NELFB: variants seen among roughly 807,000 people sequenced by gnomAD.
NELFB encodes negative elongation factor complex member B.
NELFB carries 34 observed loss-of-function variants against 60.2 expected under a neutral mutation model. That is an observed-to-expected ratio of 0.56 (90% CI 0.43 to 0.75). The LOEUF is 0.75. NELFB is among the 30% of genes least tolerant of loss of function. The probability of loss-of-function intolerance (pLI) is 0.00; values close to 1 mark genes in which losing one functional copy is unlikely to be tolerated. For missense variants in NELFB, 770 were observed against 831.6 expected (o/e 0.93, Z 0.91); for synonymous variants, 459 against 382.1 (o/e 1.20, Z -2.35).
At position 137,266,989 on chromosome 9, in the gene NELFB, C is replaced by CTGG; in HGVS notation, c.1289_1291dup (p.Val430dup). The CTGG allele has an allele frequency of 6.2e-7, 1 of 1,614,022 alleles. No homozygotes were observed. Among genetic ancestry groups the CTGG allele is most frequent in the Non-Finnish European group, 8.5e-7 (1 of 1,180,004 alleles). ...GTTCCTCCCGATGCTCATGTCCTTC[C>CTGG]TGGTGGATGACTACACTTTCAATGT... is the stretch of plus-strand genomic sequence containing the variant. On this transcript the variant is annotated inframe_insertion, in exon 9 of 13. Transcript: ENST00000343053.
intron 10 of NELFB, among the ~76,000 whole-genome samples, chr9:137,267,648 C>T (rs908401012): frequency 2.0e-5 from 3 of 152,000 alleles, no homozygotes; most frequent in South Asian, 2.1e-4. Context: ...CGCGTGCCAC[C>T]GTGCCAGGCT....
At chr9:137,270,843 C>T (rs1362866216) in intron 10 of NELFB, among the ~76,000 whole-genome samples, 6 of 152,120 alleles carry the variant, frequency 3.9e-5, no homozygotes, top group South Asian at 2.1e-4. Context: ...CGCTTGAACC[C>T]GGGAGGTGGA....
chr9:137,271,468 G>A (rs1010917461), intron 10 of NELFB, among the ~76,000 whole-genome samples: 2 of 152,402 alleles, frequency 1.3e-5, no homozygotes, highest in East Asian at 1.9e-4. Flanking sequence ...CGTTTGGGGC[G>A]TTGTGCTGGC....
At chr9:137,266,844 C>A in intron 8 of NELFB, 100 bp from the exon 9 acceptor site, 1 of 1,367,926 alleles carries the variant, frequency 7.3e-7, no homozygotes, top group Non-Finnish European at 9.8e-7. Context: ...GGTGAGGTAT[C>A]TGGGGGAGTG....
At chr9:137,256,515 C>T (rs1459327403) in intron 3 of NELFB, 87 bp downstream of exon 3, 4 of 1,198,090 alleles carry the variant, frequency 3.3e-6, no homozygotes, top group Non-Finnish European at 4.9e-6. Context: ...GGCCGCCTAG[C>T]TCCGGGAGCT....
At chr9:137,263,794 C>T (rs1830486145) in intron 5 of NELFB, among the ~76,000 whole-genome samples, 1 of 152,140 alleles carries the variant, frequency 6.6e-6, no homozygotes, top group Admixed American at 6.5e-5. Flanking sequence ...ATTGCCCCAG[C>T]TTCCTCCCAT....
In NELFB at chr9:137,273,150, A is replaced by G; in HGVS notation, c.*222A>G. ...CTCCCAGGGCAGAGCCTCTCCTTGT[A>G]CTTTGGCAGCCATAGAAAGCGTGCT... On this transcript the variant is annotated 3_prime_UTR_variant, in exon 13 of 13. Coordinates refer to ENST00000343053, the MANE Select transcript of NELFB (RefSeq NM_015456.5). 1 of 443,748 alleles carries G rather than the reference A, an allele frequency of 2.3e-6. No homozygotes were observed. The highest frequency in any genetic ancestry group is 3.5e-5 in the East Asian group (1 of 28,818). The allele number at this position is 443,748 out of a possible 1,614,324, so 27.5% of individuals were successfully genotyped here.
intron 6 of NELFB, 117 bp downstream of exon 6, chr9:137,264,474 T>C: frequency 1.3e-6 from 1 of 764,204 alleles, no homozygotes; most frequent in Non-Finnish European, 2.1e-6. Flanking sequence ...CTTTTTCTTT[T>C]GTTTTTTTCG....
intron 6 of NELFB, 91 bp from the exon 7 acceptor site, chr9:137,265,786 G>A (rs1830510808): frequency 1.2e-6 from 1 of 852,948 alleles, no homozygotes; most frequent in Non-Finnish European, 2.0e-6. Context: ...TGCCAGTCCT[G>A]AATTCAGCCT....
In NELFB at chr9:137,265,904, C is replaced by G. The variant is rs750792067; in HGVS notation, c.1068C>G (p.Pro356=). ...ACCTGTCCATGATCCTGTGTGACCC[C>G]TTCGCCATCAACACGCTGGCACTGA... Residue 356 remains proline, a synonymous_variant, in exon 7 of 13, where the codon CCC becomes CCG. Coordinates refer to ENST00000343053, the MANE Select transcript of NELFB (RefSeq NM_015456.5). 1 of 1,613,162 alleles carries G rather than the reference C, an allele frequency of 6.2e-7. No homozygotes were observed. Among genetic ancestry groups the G allele is most frequent in the Non-Finnish European group, 8.5e-7 (1 of 1,179,876 alleles).
At position 137,269,037 on chromosome 9, in the gene NELFB, T is replaced by C. The variant is rs1408893622; in HGVS notation, c.1489+1691T>C. Reference sequence around the variant, plus strand: ...GACGGAGCCCTCACGACCTCAGCAGTGTTGCGTTGGGGATCAGGTTTCCGA... The same window carrying C: ...GACGGAGCCCTCACGACCTCAGCAGCGTTGCGTTGGGGATCAGGTTTCCGA... On this transcript the variant is annotated intron_variant, in intron 10 of 12. Coordinates refer to ENST00000343053, the MANE Select transcript of NELFB (RefSeq NM_015456.5). This position sits in a 1 kb window ranked among gnomAD's most constrained non-coding sequence, Gnocchi z 5.3. 6.6e-6 allele frequency among the ~76,000 whole-genome samples: 1 copy of C among 151,804 alleles called. No homozygotes were observed. Among genetic ancestry groups the C allele is most frequent in the East Asian group, 1.9e-4 (1 of 5,170 alleles).
At position 137,265,885 on chromosome 9, in the gene NELFB, C is replaced by G. The variant is rs1830512012; in HGVS notation, c.1049C>G (p.Ser350Cys). The change falls in exon 7 of 13, where the codon TCC becomes TGC. Residue 350 changes from serine (S) to cysteine (C), a missense_variant. Coordinates refer to ENST00000343053, the MANE Select transcript of NELFB (RefSeq NM_015456.5). ...GGGCGGCCTCCTTCCAGGGACCTGTCCATGATCCTGTGTGACCCCTTCGCC... is the reference window on the plus strand; with the variant it reads ...GGGCGGCCTCCTTCCAGGGACCTGTGCATGATCCTGTGTGACCCCTTCGCC... 1.2e-6 allele frequency: 2 copies of G among 1,612,200 alleles called. No homozygotes were observed. The highest frequency in any genetic ancestry group is 1.7e-5 in the Admixed American group (1 of 60,008).
intron 4 of NELFB, among the ~76,000 whole-genome samples, chr9:137,260,850 G>C (rs1464501823): frequency 6.6e-6 from 1 of 151,560 alleles, no homozygotes; most frequent in African/African-American, 2.4e-5. Flanking sequence ...CACGAGGTCA[G>C]GAGTTCGAGA....
chr9:137,265,290 C>A (rs577733982), intron 6 of NELFB, among the ~76,000 whole-genome samples: 10 of 151,348 alleles, frequency 6.6e-5, no homozygotes, highest in African/African-American at 2.2e-4. Flanking sequence ...GGATGACAGG[C>A]GTGAGCCACC....
chr9:137,264,714 G>T (rs991173894), intron 6 of NELFB, among the ~76,000 whole-genome samples: 1 of 152,226 alleles, frequency 6.6e-6, no homozygotes, highest in African/African-American at 2.4e-5. Context: ...TGATCCACCC[G>T]CCTCAGCCTT....
chr9:137,255,465 G>T lies in NELFB; in HGVS notation c.100G>T (p.Ala34Ser). 6.7e-7 allele frequency: 1 copy of T among 1,502,652 alleles called. No homozygotes were observed. The highest frequency in any genetic ancestry group is 8.9e-7 in the Non-Finnish European group (1 of 1,123,128). The allele number at this position is 1,502,652 out of a possible 1,614,324, so 93.1% of individuals were successfully genotyped here. Residue 34 changes from alanine to serine, a missense_variant, in exon 1 of 13, where the codon GCT becomes TCT. By Grantham distance (99) the Ala-to-Ser change is moderately conservative. Coordinates refer to ENST00000343053, the MANE Select transcript of NELFB (RefSeq NM_015456.5). Reference sequence around the variant, plus strand: ...GTCTGCGGCGGCGCCGGGGGAACGGGCTGGGGATGGGGCGCCTAGCCGGGC... The same window carrying T: ...GTCTGCGGCGGCGCCGGGGGAACGGTCTGGGGATGGGGCGCCTAGCCGGGC...
intron 2 of NELFB, 112 bp downstream of exon 2, chr9:137,256,182 G>T (rs781659478): frequency 1.4e-6 from 2 of 1,381,996 alleles, no homozygotes; most frequent in Non-Finnish European, 2.0e-6. Context: ...TCCCAGAGGT[G>T]GCCTGGGCCT....
chr9:137,263,257 C>CT, intron 5 of NELFB, 35 bp downstream of exon 5: 1 of 1,571,786 alleles, frequency 6.4e-7, no homozygotes, highest in Non-Finnish European at 8.7e-7. Context: ...CCCTACCCTC[C>CT]TGAAGGTAGT....
chr9:137,264,761 C>G (rs916238117), intron 6 of NELFB, among the ~76,000 whole-genome samples: 1 of 152,220 alleles, frequency 6.6e-6, no homozygotes, highest in African/African-American at 2.4e-5. Context: ...GCCACCGTGC[C>G]TGGCCTCCTG....
Sources: allele counts gnomAD v4.1 joint callset (sites outside exome capture counted in the v4.1 genomes callset), GRCh38; gene constraint gnomAD v4.1.1; non-coding constraint Gnocchi (gnomAD v3.1); transcripts MANE v1.5; gene names NCBI Gene and HGNC (gene_info 2026-07-23, HGNC 2026-07-21).